The following RP1L1 variants were observed in gnomAD, a reference collection of about 807,000 sequenced individuals.
RP1L1 encodes the protein retinitis pigmentosa 1-like 1 protein.
RP1L1 carries 27 observed loss-of-function variants against 15.7 expected under a neutral mutation model. That is an observed-to-expected ratio of 1.72 (90% CI 1.27 to 2.38). The LOEUF is 2.38. Among genes scored for constraint, RP1L1 ranks in the 30% most tolerant of loss-of-function variants. RP1L1 has a pLI of 0.00. For missense variants in RP1L1, 4,798 were observed against 3,075.9 expected (o/e 1.56, Z -13.24); for synonymous variants, 1,813 against 1,276.7 (o/e 1.42, Z -8.96).
chr8:10,613,422 A>C (rs1797913831), intron 3 of RP1L1, 76 bp from the exon 4 acceptor site: 2 of 1,579,262 alleles, frequency 1.3e-6, no homozygotes, highest in Non-Finnish European at 1.7e-6. Context: ...TAAAGGAATA[A>C]AACAGTCACG....
chr8:10,623,804 A>T (rs1372880489), intron 1 of RP1L1, among the ~76,000 whole-genome samples: 1 of 148,890 alleles, frequency 6.7e-6, no homozygotes, highest in African/African-American at 2.5e-5. Context: ...TGTCCCCAAC[A>T]TTGCTGTGAC....
rs1186286209 is a variant in RP1L1 at position 10,610,994 on chromosome 8, C to T, written c.3104G>A (p.Gly1035Asp). 3.7e-6 allele frequency: 6 copies of T among 1,612,654 alleles called. No homozygotes were observed. The Admixed American group carries it at 6.7e-5, about 18-fold the overall frequency. The change falls in exon 4 of 4, where the codon GGT becomes GAT. Residue 1035 changes from glycine (G) to aspartate (D), a missense_variant. By Grantham distance (94) the Gly-to-Asp change is moderately conservative. Coordinates refer to ENST00000382483, the MANE Select transcript of RP1L1 (RefSeq NM_178857.6). ...EGALLGSSDT[G>D]PQSGEGVPQG... Reference sequence around the variant, plus strand: ...GGGGACACCCTCTCCTGATTGGGGACCAGTGTCACTACTCCCCAGGAGGGC... The same window carrying T: ...GGGGACACCCTCTCCTGATTGGGGATCAGTGTCACTACTCCCCAGGAGGGC...
intron 1 of RP1L1, among the ~76,000 whole-genome samples, chr8:10,637,880 G>A (rs1177720630): frequency 6.6e-6 from 1 of 152,216 alleles, no homozygotes; most frequent in African/African-American, 2.4e-5. Flanking sequence ...CTCCAGGGGT[G>A]GGGGGATTTT....
Position 10,609,309 on chromosome 8 carries a change from C to G in RP1L1, c.4789G>C (p.Gly1597Arg). 1 of 1,611,438 alleles carries G rather than the reference C, an allele frequency of 6.2e-7. No homozygotes were observed. The highest frequency in any genetic ancestry group is 1.1e-5 in the South Asian group (1 of 90,980). The change falls in exon 4 of 4, where the codon GGG becomes CGG. Residue 1597 changes from glycine (G) to arginine (R), a missense_variant. By Grantham distance (125) the Gly-to-Arg change is moderately radical. Transcript: ENST00000382483. ...TGCTGGGTCTGCAGGAGCAGCTCCC[C>G]GGTGAGGGCCTCCCTTGGAGGCTCC... ...VLEPPREALT[G>R]ELLLQTQQRR... is the part of the protein sequence containing the mutation.
At position 10,622,589 on chromosome 8, in the gene RP1L1, C is replaced by T. The variant is rs373252672; in HGVS notation, c.609+4G>A. On this transcript the variant is annotated splice_donor_region_variant and intron_variant, in intron 2 of 3. Transcript: ENST00000382483. The stretch of plus-strand genomic sequence containing the variant: ...CAAGGAACCGTCAGACCCCAACAGC[C>T]TACCTTTTTCCCGCTGGTCGTGTAC... 1.2e-6 allele frequency: 2 copies of T among 1,614,188 alleles called. No homozygotes were observed. Among genetic ancestry groups the T allele is most frequent in the South Asian group, 2.2e-5 (2 of 91,060 alleles).
intron 1 of RP1L1, among the ~76,000 whole-genome samples, chr8:10,645,086 G>T (rs1263770808): frequency 6.6e-6 from 1 of 152,148 alleles, no homozygotes; most frequent in Non-Finnish European, 1.5e-5. Flanking sequence ...CAGAACTTTG[G>T]GGGGCTAAGG....
intron 1 of RP1L1, among the ~76,000 whole-genome samples, chr8:10,631,758 G>A (rs1415479424): frequency 6.6e-6 from 1 of 152,190 alleles, no homozygotes; most frequent in Non-Finnish European, 1.5e-5. Flanking sequence ...CTGGTTGGAG[G>A]CCGAAGGGAA....
chr8:10,643,112 G>A (rs1429139677), intron 1 of RP1L1, among the ~76,000 whole-genome samples: 3 of 152,178 alleles, frequency 2.0e-5, no homozygotes, highest in Admixed American at 6.5e-5. Context: ...CAAGGCAGGA[G>A]GATTGCTTGA....
chr8:10,626,737 T>C (rs887464110), intron 1 of RP1L1, among the ~76,000 whole-genome samples: 4 of 152,152 alleles, frequency 2.6e-5, no homozygotes, highest in African/African-American at 9.7e-5. Flanking sequence ...CCCAAATCTG[T>C]GTGTATCAAA....
chr8:10,616,898 C>T (rs909300912), intron 2 of RP1L1, among the ~76,000 whole-genome samples: 1 of 152,188 alleles, frequency 6.6e-6, no homozygotes, highest in Non-Finnish European at 1.5e-5. Context: ...CATTTCTGCC[C>T]ACATGTCCAC....
chr8:10,635,733 C>T (rs150086383), intron 1 of RP1L1, among the ~76,000 whole-genome samples: 128 of 152,324 alleles, frequency 8.4e-4, no homozygotes, highest in African/African-American at 2.9e-3. Flanking sequence ...CTTGTGGAGA[C>T]AGTGGAGGAT....
Position 10,612,917 on chromosome 8 carries a change from A to C in RP1L1, c.1181T>G (p.Val394Gly), listed in dbSNP as rs1272501294. The change falls in exon 4 of 4, where the codon GTC (valine) becomes GGC (glycine). Residue 394 changes from valine to glycine, a missense_variant. By Grantham distance (109) the Val-to-Gly change is moderately radical. Coordinates refer to ENST00000382483, the MANE Select transcript of RP1L1 (RefSeq NM_178857.6). ...PRPCRVGCRE[V>G]FGRGGQPGPK... ...CCCTGGCTGCCCGCCTCGGCCAAAG[A>C]CTTCCCTGCATCCCACCCTGCAGGG... 6.2e-7 allele frequency: 1 copy of C among 1,611,778 alleles called. No homozygotes were observed. The highest frequency in any genetic ancestry group is 1.7e-5 in the Admixed American group (1 of 59,944).
chr8:10,618,486 G>A (rs1396164164), intron 2 of RP1L1, among the ~76,000 whole-genome samples: 4 of 152,152 alleles, frequency 2.6e-5, no homozygotes, highest in Admixed American at 6.6e-5. Context: ...CAGCCTGGGT[G>A]ACAGAGTGAA....
In RP1L1 at chr8:10,611,990, C is replaced by G; in HGVS notation, c.2108G>C (p.Arg703Pro). The G allele has an allele frequency of 1.2e-6, 2 of 1,613,852 alleles. No homozygotes were observed. The highest frequency in any genetic ancestry group is 1.7e-6 in the Non-Finnish European group (2 of 1,180,000). The change falls in exon 4 of 4, where the codon CGA (arginine) becomes CCA (proline). Residue 703 changes from arginine (R) to proline (P), a missense_variant. Arg to Pro is a moderately radical substitution (Grantham distance 103). Coordinates refer to ENST00000382483, the MANE Select transcript of RP1L1 (RefSeq NM_178857.6). ...RRACQDGSVPRYSGSSSSTRT... is the reference protein window; with the variant it reads ...RRACQDGSVPPYSGSSSSTRT... ...GGTGCTCGATGAGCTTCCAGAATATCGTGGCACTGAGCCATCCTGGCAGGC... is the reference window on the plus strand; with the variant it reads ...GGTGCTCGATGAGCTTCCAGAATATGGTGGCACTGAGCCATCCTGGCAGGC...
At chr8:10,645,012 C>T (rs897000341) in intron 1 of RP1L1, among the ~76,000 whole-genome samples, 3 of 152,170 alleles carry the variant, frequency 2.0e-5, no homozygotes, top group Non-Finnish European at 4.4e-5. Context: ...TCAGTGACCC[C>T]ACTCAATGAC....
In RP1L1 at chr8:10,612,249, A is replaced by G; in HGVS notation, c.1849T>C (p.Cys617Arg). ...TREPLVLGLS[C>R]SWDSEGASST... Reference sequence around the variant, plus strand: ...GAGGCTCCTTCCGAGTCCCAGGAGCAGGAAAGGCCCAGAACCAGAGGCTCC... The same window carrying G: ...GAGGCTCCTTCCGAGTCCCAGGAGCGGGAAAGGCCCAGAACCAGAGGCTCC... The change falls in exon 4 of 4, where the codon TGC becomes CGC. Residue 617 changes from cysteine (C) to arginine (R), a missense_variant. Transcript: ENST00000382483. 6.2e-7 allele frequency: 1 copy of G among 1,613,238 alleles called. No individual in the cohort carries two copies. The highest frequency in any genetic ancestry group is 8.5e-7 in the Non-Finnish European group (1 of 1,179,996).
chr8:10,633,043 T>C (rs552412928), intron 1 of RP1L1, among the ~76,000 whole-genome samples: 1 of 152,290 alleles, frequency 6.6e-6, no homozygotes, highest in South Asian at 2.1e-4. Context: ...ATGGGGTTTA[T>C]GGAAGAGACA....
chr8:10,614,661 C>CAAAAAAAAAAAAA (rs772003815), intron 3 of RP1L1, among the ~76,000 whole-genome samples: 1 of 75,514 alleles, frequency 1.3e-5, no homozygotes, highest in African/African-American at 5.6e-5. Context: ...ATTCTGTCGT[C>CAAAAAAAAAAAAA]AAAAAAAAAA....
chr8:10,648,776 A>T (rs1798517421), intron 1 of RP1L1, among the ~76,000 whole-genome samples: 2 of 152,216 alleles, frequency 1.3e-5, no homozygotes, highest in African/African-American at 4.8e-5. Context: ...TGGCTGGGAA[A>T]TCTCTTGGAT....
Sources: allele counts gnomAD v4.1 joint callset (sites outside exome capture counted in the v4.1 genomes callset), GRCh38; gene constraint gnomAD v4.1.1; transcripts MANE v1.5; gene names NCBI Gene and HGNC (gene_info 2026-07-23, HGNC 2026-07-21).